NFIX: variants seen among roughly 807,000 people sequenced by gnomAD.
The protein encoded by NFIX is nuclear factor I X, also known as nuclear factor 1 X-type.
Under a neutral mutation model 53.3 loss-of-function variants are expected in NFIX, and 2 were observed. The ratio of observed to expected loss-of-function variants is 0.04; its 90% CI spans 0.02 to 0.12. NFIX has a LOEUF of 0.12. Ranked by LOEUF, NFIX falls within the 10% of genes least tolerant of loss-of-function variation. The pLI, the probability that NFIX is intolerant of heterozygous loss-of-function variation, is 1.00. For missense variants in NFIX, 310 were observed against 674.5 expected, an observed-to-expected ratio of 0.46 and a Z score of 5.99; for synonymous variants, 244 against 289.0, an observed-to-expected ratio of 0.84 and a Z score of 1.58.
rs1465061271 is a variant in NFIX, at chr19:13,045,975, T to A, written c.559+20423T>A. ...GGCTGACACTCTCCAGCTTCCATCT[T>A]GCAAGGACACAGGCCCCACCCTGGC... On this transcript the variant is annotated intron_variant, in intron 2 of 10. Coordinates refer to ENST00000592199, the MANE Select transcript of NFIX (RefSeq NM_001365902.3). The surrounding 1 kb of genome is among the most constrained non-coding windows in gnomAD (Gnocchi z 4.4). 6.6e-6 allele frequency among the ~76,000 whole-genome samples: 1 copy of A among 152,170 alleles called. No homozygotes were observed. Among genetic ancestry groups the A allele is most frequent in the Non-Finnish European group, 1.5e-5 (1 of 68,012 alleles).
At chr19:13,007,428 C>T (rs749095045) in intron 1 of NFIX, among the ~76,000 whole-genome samples, 1 of 152,222 alleles carries the variant, frequency 6.6e-6, no homozygotes, top group Non-Finnish European at 1.5e-5. Flanking sequence ...GCAAAAGTGA[C>T]GACCCTCCCA....
chr19:13,024,385 G>C (rs1238320705), intron 1 of NFIX: 1 of 700,918 alleles, frequency 1.4e-6, no homozygotes, highest in Admixed American at 6.3e-5. Context: ...AAAAAATGTT[G>C]GGGTGGATGT....
intron 7 of NFIX, among the ~76,000 whole-genome samples, chr19:13,079,290 G>A (rs1158062014): frequency 1.3e-5 from 2 of 152,208 alleles, no homozygotes; most frequent in Non-Finnish European, 2.9e-5. Context: ...TAGGGGACAG[G>A]TGGTACCTGG....
chr19:13,035,303 T>TGG (rs1185167612), intron 2 of NFIX, among the ~76,000 whole-genome samples: 1 of 152,220 alleles, frequency 6.6e-6, no homozygotes, highest in African/African-American at 2.4e-5. Flanking sequence ...TGAAGCAGTT[T>TGG]GGGGGCTTTC....
chr19:13,006,178 C>T lies in NFIX; in HGVS notation c.27+10314C>T, dbSNP rs2012004542. Among the ~76,000 whole-genome samples the T allele has an allele frequency of 6.6e-6, 1 of 152,172 alleles. No individual in the cohort carries two copies. Among genetic ancestry groups the T allele is most frequent in the African/African-American group, 2.4e-5 (1 of 41,434 alleles). ...TGGGAAGAACAGAGCTGGCCGGGCCCTCGGGAGTGCTGGGCAGCTGTGGTT... is the reference window on the plus strand; with the variant it reads ...TGGGAAGAACAGAGCTGGCCGGGCCTTCGGGAGTGCTGGGCAGCTGTGGTT... On this transcript the variant is annotated intron_variant, in intron 1 of 10. Coordinates refer to ENST00000592199, the MANE Select transcript of NFIX (RefSeq NM_001365902.3). The surrounding 1 kb of genome is among the most constrained non-coding windows in gnomAD (Gnocchi z 5.6).
At chr19:13,053,163 G>C (rs1462326502) in intron 2 of NFIX, among the ~76,000 whole-genome samples, 1 of 152,158 alleles carries the variant, frequency 6.6e-6, no homozygotes, top group African/African-American at 2.4e-5. Flanking sequence ...GTGTTTTGTG[G>C]GGGTCTTTCC....
In NFIX at chr19:13,096,559, C is replaced by G. The variant is rs2145549123; in HGVS notation, c.*1910C>G. 1 of 151,692 alleles carries G rather than the reference C, an allele frequency of 6.6e-6. No individual in the cohort carries two copies. The allele number at this position is 151,692 out of a possible 1,614,324, so 9.4% of individuals were successfully genotyped here. A position where few individuals can be genotyped will look rare whatever the true frequency, so the allele number is the denominator to read the frequency against. On this transcript the variant is annotated 3_prime_UTR_variant, in exon 11 of 11. Transcript: ENST00000592199. ...CCCCAGGGCTGAGGGGCAGTGGATC[C>G]TGCGGGAGTCTCCCGGGGCGTGGGG...
chr19:13,069,417 G>A (rs904890524), intron 2 of NFIX, among the ~76,000 whole-genome samples: 5 of 152,234 alleles, frequency 3.3e-5, no homozygotes, highest in African/African-American at 4.8e-5. Flanking sequence ...ACCTGCCCGC[G>A]TTGTGCCAGC....
Position 13,088,181 on chromosome 19 carries a change from G to A in NFIX, c.1402+45G>A, listed in dbSNP as rs752740032. On this transcript the variant is annotated intron_variant, in intron 9 of 10. Transcript: ENST00000592199. The surrounding 1 kb of genome is among the most constrained non-coding windows in gnomAD (Gnocchi z 5.9). Reference sequence around the variant, plus strand: ...GAAACCACAACGCCCAGCGTCCCCGGCCCGTCCAAACAGTCTCCACTGCAA... The same window carrying A: ...GAAACCACAACGCCCAGCGTCCCCGACCCGTCCAAACAGTCTCCACTGCAA... 2.0e-6 allele frequency: 3 copies of A among 1,534,522 alleles called. No individual in the cohort carries two copies. The highest frequency in any genetic ancestry group is 2.0e-5 in the Admixed American group (1 of 50,942).
intron 2 of NFIX, among the ~76,000 whole-genome samples, chr19:13,063,967 G>GCCTGT (rs1480472860): frequency 6.6e-6 from 1 of 152,160 alleles, no homozygotes; most frequent in Non-Finnish European, 1.5e-5. Context: ...TGTCTGGCCA[G>GCCTGT]CCTGTCCTGT....
In NFIX at chr19:13,073,224, G is replaced by A; in HGVS notation, c.622+115G>A. 7.2e-6 allele frequency: 8 copies of A among 1,113,044 alleles called. No homozygotes were observed. Among genetic ancestry groups the A allele is most frequent in the Non-Finnish European group, 1.1e-5 (8 of 726,376 alleles). 68.9% of individuals were successfully genotyped at this position (1,113,044 alleles called of 1,614,324 possible). A position where few individuals can be genotyped will look rare whatever the true frequency, so the allele number is the denominator to read the frequency against. On this transcript the variant is annotated intron_variant, in intron 3 of 10. Transcript: ENST00000592199. The surrounding 1 kb of genome is among the most constrained non-coding windows in gnomAD (Gnocchi z 4.5). ...CTTCCCCTTCATTCAGCTGTCCCTT[G>A]ACTGAGCTTAGCTTGCTGTCCTGAG...
intron 5 of NFIX, among the ~76,000 whole-genome samples, chr19:13,074,663 G>GT (rs1353690528): frequency 3.3e-5 from 5 of 151,504 alleles, no homozygotes. Flanking sequence ...AGGGATGTGG[G>GT]TTCTGGCCAG....
At chr19:13,059,406 T>C (rs2015916703) in intron 2 of NFIX, among the ~76,000 whole-genome samples, 1 of 152,192 alleles carries the variant, frequency 6.6e-6, no homozygotes, top group African/African-American at 2.4e-5. Context: ...CCTCCTCCCT[T>C]CTCCCACTTG....
At chr19:13,015,983 T>C (rs373324173) in intron 1 of NFIX, among the ~76,000 whole-genome samples, 1 of 152,314 alleles carries the variant, frequency 6.6e-6, no homozygotes, top group South Asian at 2.1e-4. Context: ...CCATATAAAT[T>C]ATGAGAACTG....
chr19:13,030,913 G>C (rs1257377131), intron 2 of NFIX, among the ~76,000 whole-genome samples: 1 of 152,216 alleles, frequency 6.6e-6, no homozygotes. Flanking sequence ...CAAGCGTGGG[G>C]GGCACGCAAG....
intron 2 of NFIX, among the ~76,000 whole-genome samples, chr19:13,063,012 G>A (rs1250622020): frequency 2.0e-5 from 3 of 152,186 alleles, no homozygotes; most frequent in African/African-American, 7.2e-5. Context: ...TTCCTGGATG[G>A]ATTCTTCCAA....
chr19:13,057,197 G>A (rs1277131875), intron 2 of NFIX, among the ~76,000 whole-genome samples: 3 of 152,196 alleles, frequency 2.0e-5, no homozygotes, highest in African/African-American at 4.8e-5. Context: ...AGCCAGTAGC[G>A]GGTCAGTGGG....
intron 1 of NFIX, among the ~76,000 whole-genome samples, chr19:12,999,316 G>A (rs1431539571): frequency 1.3e-5 from 2 of 151,842 alleles, no homozygotes; most frequent in Non-Finnish European, 2.9e-5. Flanking sequence ...GGGATTACAG[G>A]TGCCCGCCAC....
chr19:13,056,319 C>T (rs962985496), intron 2 of NFIX, among the ~76,000 whole-genome samples: 3 of 152,158 alleles, frequency 2.0e-5, no homozygotes, highest in Non-Finnish European at 4.4e-5. Context: ...TGGACCCGAC[C>T]GTTTGATCCT....
Sources: allele counts gnomAD v4.1 joint callset (sites outside exome capture counted in the v4.1 genomes callset), GRCh38; gene constraint gnomAD v4.1.1; non-coding constraint Gnocchi (gnomAD v3.1); transcripts MANE v1.5; gene names NCBI Gene and HGNC (gene_info 2026-07-23, HGNC 2026-07-21).